TRPC7: variants seen among roughly 807,000 people sequenced by gnomAD.
TRPC7 encodes short transient receptor potential channel 7.
In TRPC7, 42 loss-of-function variants were observed where a neutral mutation model predicts 90.1. The ratio of observed to expected loss-of-function variants is 0.47; its 90% CI spans 0.36 to 0.60. The LOEUF is 0.60. Among genes scored for constraint, TRPC7 ranks in the 20% least tolerant of loss-of-function variants. TRPC7 has a pLI of 0.00. For synonymous variants in TRPC7, 451 were observed against 436.3 expected (o/e 1.03, Z -0.42); for missense variants, 955 against 1,112.3 (o/e 0.86, Z 2.01).
At chr5:136,349,153 C>G (rs1415343347) in intron 2 of TRPC7, among the ~76,000 whole-genome samples, 1 of 152,164 alleles carries the variant, frequency 6.6e-6, no homozygotes, top group Non-Finnish European at 1.5e-5. Flanking sequence ...TTTTGCTTCT[C>G]TATCTTTCCA....
chr5:136,307,642 A>G (rs62385832), intron 3 of TRPC7, among the ~76,000 whole-genome samples: 48,899 of 152,018 alleles, frequency 0.32, 8,777 homozygotes, highest in Admixed American at 0.44. Flanking sequence ...GACATTAGAG[A>G]CAGTGTCTGG....
chr5:136,360,848 G>A (rs1760547436), intron 1 of TRPC7, among the ~76,000 whole-genome samples: 1 of 152,122 alleles, frequency 6.6e-6, no homozygotes, highest in South Asian at 2.1e-4. Context: ...CCTCACTGTG[G>A]CCTTTTTATT....
intron 4 of TRPC7, among the ~76,000 whole-genome samples, chr5:136,273,514 C>G (rs1200384661): frequency 3.3e-5 from 5 of 152,200 alleles, no homozygotes; most frequent in Admixed American, 2.0e-4. Flanking sequence ...TGACCTCTCT[C>G]TGTGACCCTG....
At chr5:136,355,294 T>C (rs1426155657) in intron 2 of TRPC7, among the ~76,000 whole-genome samples, 2 of 152,208 alleles carry the variant, frequency 1.3e-5, no homozygotes, top group Non-Finnish European at 2.9e-5. Flanking sequence ...CTCAGTTTCC[T>C]GAAGTGGCCA....
chr5:136,246,645 C>T (rs1295605185), intron 7 of TRPC7, among the ~76,000 whole-genome samples: 4 of 152,204 alleles, frequency 2.6e-5, no homozygotes, highest in Non-Finnish European at 5.9e-5. Context: ...TCCCCTCTTC[C>T]CATTCTTCAC....
At chr5:136,352,142 T>G (rs1760212760) in intron 2 of TRPC7, among the ~76,000 whole-genome samples, 1 of 152,162 alleles carries the variant, frequency 6.6e-6, no homozygotes, top group East Asian at 1.9e-4. Context: ...GTCTCTGATT[T>G]GGGCACACTG....
At position 136,283,727 on chromosome 5, in the gene TRPC7, GA is replaced by G. The variant is rs370441936; in HGVS notation, c.964-8891del. 2.2e-3 allele frequency among the ~76,000 whole-genome samples: 330 copies of G among 152,292 alleles called. 1 individual carries two copies. Among genetic ancestry groups the G allele is most frequent in the African/African-American group, 7.2e-3 (299 of 41,564 alleles). On this transcript the variant is annotated intron_variant, in intron 3 of 11. Transcript: ENST00000513104. The stretch of plus-strand genomic sequence containing the variant: ...TGCTCATGACTCACACTTAGGTCTT[GA>G]CCAGATTTCTTACTTCTGGGAATTT...
chr5:136,247,484 G>A lies in TRPC7; in HGVS notation c.1831C>T (p.Pro611Ser), dbSNP rs1756376665. 3 of 1,612,504 alleles carry A rather than the reference G, an allele frequency of 1.9e-6. No homozygotes were observed. Among genetic ancestry groups the A allele is most frequent in the African/African-American group, 2.7e-5 (2 of 74,854 alleles). ...YSYYRGAKYN[P>S]AFTTVEESFK... is the part of the protein sequence containing the mutation. ...TCAGATACTCACGTTGTAAACGCTG[G>A]GTTGTATTTGGCACCTCGGTAGTAA... Residue 611 changes from proline (P) to serine (S), a missense_variant, in exon 7 of 12, where the codon CCA (proline) becomes TCA (serine). Coordinates refer to ENST00000513104, the MANE Select transcript of TRPC7 (RefSeq NM_020389.3). The surrounding 1 kb of genome is among the most constrained non-coding windows in gnomAD (Gnocchi z 4.2).
intron 2 of TRPC7, among the ~76,000 whole-genome samples, chr5:136,352,929 G>A (rs1001971614): frequency 6.6e-6 from 1 of 152,170 alleles, no homozygotes; most frequent in Admixed American, 6.5e-5. Context: ...ACCCACGTAG[G>A]AAGAGTTTAA....
chr5:136,240,990 C>T (rs988357106), intron 7 of TRPC7, among the ~76,000 whole-genome samples: 14 of 152,014 alleles, frequency 9.2e-5, no homozygotes, highest in Admixed American at 2.0e-4. Context: ...TGGGACAGTC[C>T]GTGGCAGGTG....
At chr5:136,249,398 AC>A (rs1756450098) in intron 6 of TRPC7, among the ~76,000 whole-genome samples, 1 of 152,246 alleles carries the variant, frequency 6.6e-6, no homozygotes, top group Non-Finnish European at 1.5e-5. Context: ...TCAAGGTCAT[AC>A]CTCAAAAAAC....
At chr5:136,216,176 G>T in intron 11 of TRPC7, 24 bp downstream of exon 11, 1 of 1,596,540 alleles carries the variant, frequency 6.3e-7, no homozygotes, top group Non-Finnish European at 8.6e-7. Context: ...AAATCACCAC[G>T]TGGGTGGAAA....
intron 3 of TRPC7, among the ~76,000 whole-genome samples, chr5:136,301,422 T>C (rs112146484): frequency 0.12 from 17,833 of 148,906 alleles, 1,123 homozygotes; most frequent in African/African-American, 0.14. Flanking sequence ...CTGTGACTTG[T>C]ACGTATACAT....
In TRPC7 at chr5:136,357,063, C is replaced by T. The variant is rs1158833513; in HGVS notation, c.325G>A (p.Ala109Thr). The part of the protein sequence containing the change: ...KKENLARVGD[A>T]LLLAISKGYV... Reference sequence around the variant, plus strand: ...CCCTTGCTGATGGCCAGCAGCAGCGCGTCCCCCACCCGTGCCAGGTTCTCC... The same window carrying T: ...CCCTTGCTGATGGCCAGCAGCAGCGTGTCCCCCACCCGTGCCAGGTTCTCC... The change falls in exon 2 of 12, where the codon GCG becomes ACG. Residue 109 changes from alanine to threonine, a missense_variant. Physicochemically the swap from Ala to Thr is moderately conservative, Grantham distance 58. Around this residue, in one of 4 missense-constraint regions of TRPC7, gnomAD observed 14 missense variants for 34.2 expected, o/e 0.41. Transcript: ENST00000513104. 8.1e-6 allele frequency: 13 copies of T among 1,613,794 alleles called. No homozygotes were observed. Among genetic ancestry groups the T allele is most frequent in the Non-Finnish European group, 1.1e-5 (13 of 1,179,918 alleles).
At chr5:136,223,922 G>C (rs150870798) in intron 10 of TRPC7, among the ~76,000 whole-genome samples, 2 of 152,274 alleles carry the variant, frequency 1.3e-5, no homozygotes, top group East Asian at 3.9e-4. Context: ...TTTTGTGCGC[G>C]ATTAAACACA....
chr5:136,257,203 G>A (rs1209234955), intron 5 of TRPC7, among the ~76,000 whole-genome samples: 1 of 143,846 alleles, frequency 7.0e-6, no homozygotes, highest in Non-Finnish European at 1.5e-5. Flanking sequence ...TTTTTTTTGC[G>A]ATGGAGTCTC....
intron 3 of TRPC7, among the ~76,000 whole-genome samples, chr5:136,306,260 G>A (rs570196225): frequency 4.2e-4 from 64 of 152,196 alleles, no homozygotes; most frequent in Non-Finnish European, 6.8e-4. Flanking sequence ...TATGTCCTAG[G>A]TCCTCCTAAT....
intron 3 of TRPC7, among the ~76,000 whole-genome samples, chr5:136,277,771 C>T (rs1757415319): frequency 1.3e-5 from 2 of 152,202 alleles, no homozygotes; most frequent in African/African-American, 4.8e-5. Context: ...TCTTTGGCAT[C>T]TTGCTCACAA....
intron 2 of TRPC7, among the ~76,000 whole-genome samples, chr5:136,334,843 G>A (rs1759602084): frequency 6.6e-6 from 1 of 152,168 alleles, no homozygotes; most frequent in Non-Finnish European, 1.5e-5. Flanking sequence ...TGGCTACCAG[G>A]GAATTGATCT....
Sources: allele counts gnomAD v4.1 joint callset (sites outside exome capture counted in the v4.1 genomes callset), GRCh38; gene constraint gnomAD v4.1.1; regional missense constraint gnomAD v4.1.1; non-coding constraint Gnocchi (gnomAD v3.1); transcripts MANE v1.5; gene names NCBI Gene and HGNC (gene_info 2026-07-23, HGNC 2026-07-21).